C1orf53: variants seen among roughly 807,000 people sequenced by gnomAD.
C1orf53 encodes the protein chromosome 1 open reading frame 53.
C1orf53 carries 23 observed loss-of-function variants against 17.5 expected under a neutral mutation model. That is an observed-to-expected ratio of 1.31 (90% CI 0.94 to 1.86). The LOEUF is 1.86. C1orf53 is among the 40% of genes most tolerant of loss of function. C1orf53 has a pLI of 0.00. For missense variants in C1orf53, 255 were observed against 193.2 expected (o/e 1.32, Z -1.89); for synonymous variants, 108 against 81.9 (o/e 1.32, Z -1.72).
chr1:197,906,648 G>C (rs1659527519), intron 2 of C1orf53, among the ~76,000 whole-genome samples: 1 of 152,138 alleles, frequency 6.6e-6, no homozygotes, highest in Non-Finnish European at 1.5e-5. Flanking sequence ...ATAGTAGTGA[G>C]GTAAATTGTT....
chr1:197,904,398 C>T (rs1445566309), intron 1 of C1orf53, among the ~76,000 whole-genome samples: 2 of 152,172 alleles, frequency 1.3e-5, no homozygotes, highest in Non-Finnish European at 2.9e-5. Context: ...CAGGGGCATG[C>T]GCAGGAGCAA....
At chr1:197,904,866 T>G (rs1416498499) in intron 1 of C1orf53, among the ~76,000 whole-genome samples, 1 of 151,618 alleles carries the variant, frequency 6.6e-6, no homozygotes, top group Non-Finnish European at 1.5e-5. Flanking sequence ...CATACAAAAA[T>G]GTGTTTGTCA....
chr1:197,905,638 A>G, intron 1 of C1orf53, 158 bp from the exon 2 acceptor site: 2 of 596,220 alleles, frequency 3.4e-6, no homozygotes, highest in South Asian at 2.0e-5. Context: ...ATAATGCTGG[A>G]GTGCATTTGG....
At position 197,907,140 on chromosome 1, in the gene C1orf53, C is replaced by T; in HGVS notation, c.367-9C>T. 6.7e-7 allele frequency: 1 copy of T among 1,503,300 alleles called. No individual in the cohort carries two copies. The highest frequency in any genetic ancestry group is 9.2e-7 in the Non-Finnish European group (1 of 1,092,818). 93.1% of individuals were successfully genotyped at this position (1,503,300 alleles called of 1,614,324 possible). ...AATTTAATAATAATTTGTTTTATTT[C>T]TTCTGCAGTGTCCATATGGTCAAGT... On this transcript the variant is annotated splice_polypyrimidine_tract_variant and intron_variant, in intron 2 of 2. Transcript: ENST00000367393.
In C1orf53 at chr1:197,902,900, C is replaced by T. The variant is rs1364182416; in HGVS notation, c.251C>T (p.Ala84Val). 21 of 1,476,182 alleles carry T rather than the reference C, an allele frequency of 1.4e-5. No individual in the cohort carries two copies. The highest frequency in any genetic ancestry group is 1.7e-5 in the Non-Finnish European group (19 of 1,117,308). The allele number at this position is 1,476,182 out of a possible 1,614,324, so 91.4% of individuals were successfully genotyped here. A position where few individuals can be genotyped will look rare whatever the true frequency, so the allele number is the denominator to read the frequency against. The part of the protein sequence containing the change: ...AAERQIAELH[A>V]AACAAGQLNY... ...GAGCGACAGATCGCGGAGCTGCACG[C>T]TGCCGCCTGCGCGGTGAGACTCCCT... Residue 84 changes from alanine (A) to valine (V), a missense_variant, in exon 1 of 3, where the codon GCT (alanine) becomes GTT (valine). Physicochemically the swap from Ala to Val is moderately conservative, Grantham distance 64. Transcript: ENST00000367393.
At chr1:197,904,296 A>T (rs778300812) in intron 1 of C1orf53, among the ~76,000 whole-genome samples, 2 of 152,152 alleles carry the variant, frequency 1.3e-5, no homozygotes, top group Non-Finnish European at 2.9e-5. Flanking sequence ...TGTGGCCACC[A>T]TTACGTGAGG....
rs1044516468 is a variant in C1orf53, at chr1:197,902,906, C to T, written c.257C>T (p.Ala86Val). The change falls in exon 1 of 3, where the codon GCC (alanine) becomes GTC (valine). Residue 86 changes from alanine (A) to valine (V), a missense_variant. Ala to Val is a moderately conservative substitution (Grantham distance 64). Coordinates refer to ENST00000367393, the MANE Select transcript of C1orf53 (RefSeq NM_001024594.3). ...CAGATCGCGGAGCTGCACGCTGCCG[C>T]CTGCGCGGTGAGACTCCCTCCTGCC... ...ERQIAELHAA[A>V]CAAGQLNYVD... The T allele has an allele frequency of 2.7e-6, 4 of 1,469,142 alleles. No individual in the cohort carries two copies. Among genetic ancestry groups the T allele is most frequent in the Non-Finnish European group, 3.6e-6 (4 of 1,113,572 alleles). 91.0% of individuals were successfully genotyped at this position (1,469,142 alleles called of 1,614,324 possible). A position where few individuals can be genotyped will look rare whatever the true frequency, so the allele number is the denominator to read the frequency against.
chr1:197,903,068 C>T (rs564155631), intron 1 of C1orf53, among the ~76,000 whole-genome samples, 155 bp downstream of exon 1: 1 of 152,352 alleles, frequency 6.6e-6, no homozygotes, highest in South Asian at 2.1e-4. Flanking sequence ...TTCGCGCACG[C>T]ACACGAACTT....
intron 2 of C1orf53, 138 bp from the exon 3 acceptor site, chr1:197,907,011 C>T (rs368828795): frequency 1.2e-5 from 6 of 498,908 alleles, no homozygotes; most frequent in African/African-American, 8.2e-5. Flanking sequence ...CAATATTTTT[C>T]TCTTAGTCTG....
In C1orf53 at chr1:197,902,880, A is replaced by C; in HGVS notation, c.231A>C (p.Arg77=). 1 of 1,508,956 alleles carries C rather than the reference A, an allele frequency of 6.6e-7. No individual in the cohort carries two copies. The highest frequency in any genetic ancestry group is 8.8e-7 in the Non-Finnish European group (1 of 1,134,018). The allele number at this position is 1,508,956 out of a possible 1,614,324, so 93.5% of individuals were successfully genotyped here. A position where few individuals can be genotyped will look rare whatever the true frequency, so the allele number is the denominator to read the frequency against. The stretch of plus-strand genomic sequence containing the variant: ...GCGAAGAGTTAACCGCGGCGGAGCG[A>C]CAGATCGCGGAGCTGCACGCTGCCG... The part of the protein sequence containing the change: ...SVSEELTAAE[R]QIAELHAAAC... The change falls in exon 1 of 3, where the codon CGA becomes CGC. Residue 77 remains arginine, a synonymous_variant. Coordinates refer to ENST00000367393, the MANE Select transcript of C1orf53 (RefSeq NM_001024594.3).
chr1:197,903,946 A>C (rs1248111940), intron 1 of C1orf53, among the ~76,000 whole-genome samples: 4 of 152,252 alleles, frequency 2.6e-5, no homozygotes, highest in Non-Finnish European at 5.9e-5. Flanking sequence ...GGTGGATATT[A>C]AAGAAAAGTG....
At chr1:197,904,180 CA>C (rs1424092941) in intron 1 of C1orf53, among the ~76,000 whole-genome samples, 2 of 152,202 alleles carry the variant, frequency 1.3e-5, no homozygotes, top group Admixed American at 1.3e-4. Flanking sequence ...GTCCTTCTTC[CA>C]GCCTCAAAGC....
rs915021251 is a variant in C1orf53, at chr1:197,902,672, C to T, written c.23C>T (p.Ala8Val). The change falls in exon 1 of 3, where the codon GCA (alanine) becomes GTA (valine). Residue 8 changes from alanine (A) to valine (V), a missense_variant. Physicochemically the swap from Ala to Val is moderately conservative, Grantham distance 64. Transcript: ENST00000367393. Reference protein sequence around the residue: MAARQIWARTGAALCRQP... With the variant: MAARQIWVRTGAALCRQP... ...GGCATGGCGGCCAGGCAGATCTGGGCACGGACGGGTGCCGCGCTCTGCAGG... is the reference window on the plus strand; with the variant it reads ...GGCATGGCGGCCAGGCAGATCTGGGTACGGACGGGTGCCGCGCTCTGCAGG... The T allele has an allele frequency of 4.7e-6, 7 of 1,490,618 alleles. No homozygotes were observed. Among genetic ancestry groups the T allele is most frequent in the African/African-American group, 4.4e-5 (3 of 68,792 alleles). 92.3% of individuals were successfully genotyped at this position (1,490,618 alleles called of 1,614,324 possible). A position where few individuals can be genotyped will look rare whatever the true frequency, so the allele number is the denominator to read the frequency against.
At position 197,906,418 on chromosome 1, in the gene C1orf53, A is replaced by G. The variant is rs952828734; in HGVS notation, c.366+521A>G. Among the ~76,000 whole-genome samples the G allele has an allele frequency of 1.4e-4, 13 of 89,706 alleles. No individual in the cohort carries two copies. In the Admixed American group the frequency reaches 1.7e-3, roughly 12 times the overall value. 58.9% of individuals were successfully genotyped at this position (89,706 alleles called of 152,430 possible). A position where few individuals can be genotyped will look rare whatever the true frequency, so the allele number is the denominator to read the frequency against. On this transcript the variant is annotated intron_variant, in intron 2 of 2. Coordinates refer to ENST00000367393, the MANE Select transcript of C1orf53 (RefSeq NM_001024594.3). ...ATTCTGTTCCCCACCCCCCGCCACC[A>G]CCTTCCTCTCTCTGGTCCTTTCTGT...
intron 1 of C1orf53, among the ~76,000 whole-genome samples, chr1:197,904,510 T>G (rs1469940055): frequency 6.6e-6 from 1 of 152,132 alleles, no homozygotes; most frequent in Non-Finnish European, 1.5e-5. Flanking sequence ...TGTTTTTTTG[T>G]TTTTCTTCCA....
chr1:197,903,244 T>C (rs1483290059), intron 1 of C1orf53, among the ~76,000 whole-genome samples: 3 of 152,204 alleles, frequency 2.0e-5, no homozygotes, highest in Admixed American at 6.5e-5. Context: ...AAGGAATTGA[T>C]GGAGAAGGTG....
At chr1:197,903,126 G>C (rs997339281) in intron 1 of C1orf53, among the ~76,000 whole-genome samples, 3 of 152,238 alleles carry the variant, frequency 2.0e-5, no homozygotes, top group Non-Finnish European at 2.9e-5. Context: ...TTGAGTATGA[G>C]TGTGATTTGT....
intron 1 of C1orf53, 39 bp downstream of exon 1, chr1:197,902,952 G>A: frequency 1.5e-6 from 2 of 1,334,464 alleles, no homozygotes; most frequent in Non-Finnish European, 1.9e-6. Context: ...CGCCGCGGCC[G>A]CCCCGGGCTC....
At chr1:197,907,119 T>G (rs1659532514) in intron 2 of C1orf53, 30 bp from the exon 3 acceptor site, 1 of 1,321,264 alleles carries the variant, frequency 7.6e-7, no homozygotes, top group African/African-American at 1.5e-5. Flanking sequence ...TTAAATAATT[T>G]AATAATAATT....
Sources: allele counts gnomAD v4.1 joint callset (sites outside exome capture counted in the v4.1 genomes callset), GRCh38; gene constraint gnomAD v4.1.1; transcripts MANE v1.5; gene names NCBI Gene and HGNC (gene_info 2026-07-23, HGNC 2026-07-21).